Variants in TNFRSF9 observed in about 807,000 individuals in gnomAD.
TNFRSF9 encodes the protein tumor necrosis factor receptor superfamily member 9.
Under a neutral mutation model 28.8 loss-of-function variants are expected in TNFRSF9, and 16 were observed. The ratio of observed to expected loss-of-function variants is 0.55; its 90% CI spans 0.38 to 0.84. The LOEUF (loss-of-function observed/expected upper bound fraction) is 0.84, where lower values mean the gene tolerates loss of function less well. TNFRSF9 is among the 40% of genes least tolerant of loss of function. The probability of loss-of-function intolerance (pLI) is 0.00; values close to 1 mark genes in which losing one functional copy is unlikely to be tolerated. For synonymous variants in TNFRSF9, 131 were observed against 117.0 expected, an observed-to-expected ratio of 1.12 and a Z score of -0.77; for missense variants, 303 against 315.0, an observed-to-expected ratio of 0.96 and a Z score of 0.29.
In TNFRSF9 at chr1:7,935,025, CA is replaced by C. The variant is rs1557429361; in HGVS notation, c.531del (p.Ala178ArgfsTer17). 2 of 1,614,190 alleles carry C rather than the reference CA, an allele frequency of 1.2e-6. No individual in the cohort carries two copies. The highest frequency in any genetic ancestry group is 1.7e-5 in the Admixed American group (1 of 60,022). On this transcript the variant is annotated frameshift_variant, in exon 6 of 8. Transcript: ENST00000377507. LOFTEE classifies it high-confidence loss of function. Reference sequence around the variant, plus strand: ...ATAGCCCAGTTACCTGGCTCTCTCGCAGGGGCAGGCGGGGTCACAGAGGATG... The same window carrying C: ...ATAGCCCAGTTACCTGGCTCTCTCGCGGGGCAGGCGGGGTCACAGAGGATG... ...PGASSVTPPA[P>X]AREPGHSPQI...
chr1:7,935,517 C>A (rs911104033), intron 5 of TNFRSF9, among the ~76,000 whole-genome samples: 3 of 152,194 alleles, frequency 2.0e-5, no homozygotes, highest in Non-Finnish European at 4.4e-5. Flanking sequence ...TCCAGAATGA[C>A]TTTGGGCAAG....
chr1:7,928,915 AAAC>A (rs1226433782), intron 7 of TNFRSF9, among the ~76,000 whole-genome samples: 3 of 151,968 alleles, frequency 2.0e-5, no homozygotes, highest in Non-Finnish European at 2.9e-5. Context: ...AAAAACCAAA[AAAC>A]AAACAAACAA....
chr1:7,931,362 C>G (rs1020854233), intron 7 of TNFRSF9, among the ~76,000 whole-genome samples: 1 of 152,310 alleles, frequency 6.6e-6, no homozygotes, highest in East Asian at 1.9e-4. Context: ...TAACCCCAAG[C>G]TGGAAATGAT....
rs536584635 is a variant in TNFRSF9, at chr1:7,929,261, G to A, written c.679+3901C>T. On this transcript the variant is annotated intron_variant, in intron 7 of 7. Transcript: ENST00000377507. ...GCTCACTGCAACCTCCGCCTCCCAG[G>A]TTCAAGTAATTCTTGTGCCTCAGCC... Among the ~76,000 whole-genome samples, 4 of 147,716 alleles carry A rather than the reference G, an allele frequency of 2.7e-5. No individual in the cohort carries two copies. The South Asian group carries it at 8.5e-4, about 32-fold the overall frequency.
chr1:7,933,580 A>G (rs1639768256), intron 6 of TNFRSF9, among the ~76,000 whole-genome samples: 1 of 151,886 alleles, frequency 6.6e-6, no homozygotes, highest in African/African-American at 2.4e-5. Flanking sequence ...TTGTAATCCC[A>G]GCTACTTGGC....
intron 5 of TNFRSF9, among the ~76,000 whole-genome samples, chr1:7,937,169 C>A (rs1032159848): frequency 6.6e-6 from 1 of 152,216 alleles, no homozygotes; most frequent in East Asian, 1.9e-4. Context: ...CAAAGTTCCA[C>A]TGGCAATTCT....
Position 7,938,247 on chromosome 1 carries a change from C to G in TNFRSF9, c.292G>C (p.Gly98Arg). Reference protein sequence around the residue: ...CTPGFHCLGAGCSMCEQDCKQ... With the variant: ...CTPGFHCLGARCSMCEQDCKQ... ...CAATCCTGTTCACACATGCTGCATC[C>G]TGCCCCCAGGCAGTGAAACCCTGGA... The change falls in exon 4 of 8, where the codon GGA becomes CGA. Residue 98 changes from glycine to arginine, a missense_variant. By Grantham distance (125) the Gly-to-Arg change is moderately radical. Coordinates refer to ENST00000377507, the MANE Select transcript of TNFRSF9 (RefSeq NM_001561.6). 1.2e-6 allele frequency: 2 copies of G among 1,608,220 alleles called. No individual in the cohort carries two copies. Among genetic ancestry groups the G allele is most frequent in the Non-Finnish European group, 1.7e-6 (2 of 1,177,656 alleles).
rs2151409855 is a variant in TNFRSF9, at chr1:7,920,463, G to A, written c.*372C>T. The A allele has an allele frequency of 4.9e-6, 1 of 203,830 alleles. No homozygotes were observed. The highest frequency in any genetic ancestry group is 1.3e-4 in the East Asian group (1 of 7,480). The allele number at this position is 203,830 out of a possible 1,614,324, so 12.6% of individuals were successfully genotyped here. A position where few individuals can be genotyped will look rare whatever the true frequency, so the allele number is the denominator to read the frequency against. ...AGTTTGAGACCAGCCTGTACAACAT[G>A]GTGAAATGCCATCTTTACCAAACAA... On this transcript the variant is annotated 3_prime_UTR_variant, in exon 8 of 8. Coordinates refer to ENST00000377507, the MANE Select transcript of TNFRSF9 (RefSeq NM_001561.6).
chr1:7,937,593 T>C (rs1639839199), intron 5 of TNFRSF9, 97 bp downstream of exon 5: 4 of 964,394 alleles, frequency 4.1e-6, no homozygotes, highest in Non-Finnish European at 6.6e-6. Flanking sequence ...TGTCTACACT[T>C]GATGGGTGCA....
Position 7,939,889 on chromosome 1 carries a change from ACTC to A in TNFRSF9, c.100+3_100+5del. 1 of 1,590,994 alleles carries A rather than the reference ACTC, an allele frequency of 6.3e-7. No individual in the cohort carries two copies. Among genetic ancestry groups the A allele is most frequent in the Non-Finnish European group, 8.6e-7 (1 of 1,161,564 alleles). ...GATCAAATGCACATGATAACTGGGT[ACTC>A]ACCAGCTGGGCAGTTACTACAAGGA... On this transcript the variant is annotated splice_donor_5th_base_variant and intron_variant, in intron 2 of 7. Coordinates refer to ENST00000377507, the MANE Select transcript of TNFRSF9 (RefSeq NM_001561.6).
intron 7 of TNFRSF9, among the ~76,000 whole-genome samples, chr1:7,922,926 G>C (rs1266884783): frequency 7.0e-6 from 1 of 143,522 alleles, no homozygotes. Context: ...TTTTTGAGAT[G>C]GAGTCTCACT....
chr1:7,921,263 G>A (rs967173506), intron 7 of TNFRSF9, among the ~76,000 whole-genome samples: 1 of 151,718 alleles, frequency 6.6e-6, no homozygotes, highest in Admixed American at 6.6e-5. Context: ...TTGAACCCAG[G>A]AGACAGAGAT....
intron 7 of TNFRSF9, among the ~76,000 whole-genome samples, chr1:7,927,102 C>T (rs1269306897): frequency 6.6e-6 from 1 of 152,000 alleles, no homozygotes; most frequent in Non-Finnish European, 1.5e-5. Flanking sequence ...AGCCAAAGCC[C>T]GTGAGACGTG....
intron 7 of TNFRSF9, among the ~76,000 whole-genome samples, chr1:7,932,445 A>C (rs1639745150): frequency 6.6e-6 from 1 of 152,200 alleles, no homozygotes; most frequent in Non-Finnish European, 1.5e-5. Context: ...ATAATTGTTG[A>C]ACAAGTGAAT....
Position 7,938,324 on chromosome 1 carries a change from A to G in TNFRSF9, c.215T>C (p.Phe72Ser), listed in dbSNP as rs2151420079. ...GGAGGAACACTCCTTCCTGGTCCTG[A>G]AAACACCTACAAAGTCCCCCCAGCC... ...CDICRQCKGV[F>S]RTRKECSSTS... The change falls in exon 4 of 8, where the codon TTC becomes TCC. Residue 72 changes from phenylalanine (F) to serine (S), a missense_variant. Phe to Ser is a radical substitution (Grantham distance 155). Transcript: ENST00000377507. The G allele has an allele frequency of 6.2e-7, 1 of 1,601,890 alleles. No homozygotes were observed. The highest frequency in any genetic ancestry group is 1.3e-5 in the African/African-American group (1 of 74,468).
intron 6 of TNFRSF9, 82 bp from the exon 7 acceptor site, chr1:7,933,378 T>C: frequency 2.7e-6 from 4 of 1,469,430 alleles, no homozygotes; most frequent in Non-Finnish European, 2.7e-6. Context: ...CATTGGTAAA[T>C]TTCTAAGCAT....
In TNFRSF9 at chr1:7,920,910, T is replaced by C. The variant is rs750218461; in HGVS notation, c.693A>G (p.Pro231=). The change falls in exon 8 of 8, where the codon CCA becomes CCG. Residue 231 remains proline, a synonymous_variant. Transcript: ENST00000377507. ...CATCTTCCTCTTGAGTAGTTTGTAC[T>C]GGTCTCATAAATGCTAAAAAAAAAA... The part of the protein sequence containing the change: ...LYIFKQPFMR[P]VQTTQEEDGC... 4.3e-6 allele frequency: 7 copies of C among 1,613,124 alleles called. No individual in the cohort carries two copies. Among genetic ancestry groups the C allele is most frequent in the Non-Finnish European group, 5.9e-6 (7 of 1,179,538 alleles).
chr1:7,931,641 A>G (rs9657994), intron 7 of TNFRSF9, among the ~76,000 whole-genome samples: 128 of 152,362 alleles, frequency 8.4e-4, no homozygotes, highest in African/African-American at 3.0e-3. Context: ...AGTAGTGGGC[A>G]AAGAGGGCTG....
chr1:7,919,292 G>C lies in TNFRSF9; in HGVS notation c.*1543C>G, dbSNP rs1639524414. On this transcript the variant is annotated 3_prime_UTR_variant, in exon 8 of 8. Transcript: ENST00000377507. ...GGAGGCAGAGGTGGGCAGATCACCT[G>C]AGGTCAGGAGTTTGAGACCAGCCTG... 6.6e-6 allele frequency: 1 copy of C among 152,190 alleles called. No homozygotes were observed. Among genetic ancestry groups the C allele is most frequent in the South Asian group, 2.1e-4 (1 of 4,826 alleles). The allele number at this position is 152,190 out of a possible 1,614,324, so 9.4% of individuals were successfully genotyped here. A position where few individuals can be genotyped will look rare whatever the true frequency, so the allele number is the denominator to read the frequency against.
Sources: gnomAD v4.1 joint callset for allele counts (sites outside exome capture counted in the v4.1 genomes callset) on GRCh38, gnomAD v4.1.1 for gene constraint, MANE v1.5 for transcripts, NCBI Gene and HGNC (gene_info 2026-07-23, HGNC 2026-07-21) for gene names.